The following ZNF470 variants were observed in gnomAD, a reference collection of about 807,000 sequenced individuals.
The protein encoded by ZNF470 is zinc finger protein 470.
A neutral mutation model predicts 13.9 loss-of-function variants in ZNF470; 13 were observed. The observed-to-expected ratio is 0.94, with a 90% CI of 0.61 to 1.49. The LOEUF is 1.49. ZNF470 is among the 40% of genes most tolerant of loss of function. ZNF470 has a pLI of 0.00. For synonymous variants in ZNF470, 293 were observed against 282.9 expected (o/e 1.04, Z -0.36); for missense variants, 929 against 857.3 (o/e 1.08, Z -1.04).
chr19:56,570,241 A>T, intron 2 of ZNF470, 39 bp from the exon 3 acceptor site: 1 of 1,435,832 alleles, frequency 7.0e-7, no homozygotes, highest in Non-Finnish European at 9.8e-7. Flanking sequence ...TTTGATTATT[A>T]GTGCTACTTG....
At chr19:56,572,559 A>C (rs1309872295) in intron 3 of ZNF470, among the ~76,000 whole-genome samples, 2 of 146,612 alleles carry the variant, frequency 1.4e-5, no homozygotes, top group Non-Finnish European at 3.0e-5. Flanking sequence ...AAAAAAAAAA[A>C]AGTAGCAGTC....
In ZNF470 at chr19:56,581,351, G is replaced by A. The variant is rs1216085327; in HGVS notation, c.*2768G>A. 19 of 930,250 alleles carry A rather than the reference G, an allele frequency of 2.0e-5. No homozygotes were observed. Among genetic ancestry groups the A allele is most frequent in the African/African-American group, 3.6e-5 (2 of 56,092 alleles). 57.6% of individuals were successfully genotyped at this position (930,250 alleles called of 1,614,324 possible). A position where few individuals can be genotyped will look rare whatever the true frequency, so the allele number is the denominator to read the frequency against. On this transcript the variant is annotated 3_prime_UTR_variant, in exon 6 of 6. Transcript: ENST00000330619. ...GATAACATTCAGTATTGGTGAATGTGTGGAAACAAGGGAATTCCATTGTTG... is the reference window on the plus strand; with the variant it reads ...GATAACATTCAGTATTGGTGAATGTATGGAAACAAGGGAATTCCATTGTTG...
At position 56,578,111 on chromosome 19, in the gene ZNF470, G is replaced by A; in HGVS notation, c.1682G>A (p.Gly561Asp). Reference sequence around the variant, plus strand: ...GTTCAGCACCAGAGAGTTCATACTGGTGAGAAGCCTTACGAATGTATTGAA... The same window carrying A: ...GTTCAGCACCAGAGAGTTCATACTGATGAGAAGCCTTACGAATGTATTGAA... ...HLVQHQRVHT[G>D]EKPYECIECG... Residue 561 changes from glycine (G) to aspartate (D), a missense_variant, in exon 6 of 6, where the codon GGT becomes GAT. Coordinates refer to ENST00000330619, the MANE Select transcript of ZNF470 (RefSeq NM_001001668.4). 1.2e-6 allele frequency: 2 copies of A among 1,614,092 alleles called. No homozygotes were observed. The highest frequency in any genetic ancestry group is 1.1e-5 in the South Asian group (1 of 91,076).
At position 56,578,108 on chromosome 19, in the gene ZNF470, C is replaced by A; in HGVS notation, c.1679C>A (p.Thr560Asn). The A allele has an allele frequency of 6.2e-7, 1 of 1,614,064 alleles. No individual in the cohort carries two copies. Among genetic ancestry groups the A allele is most frequent in the Non-Finnish European group, 8.5e-7 (1 of 1,180,006 alleles). Residue 560 changes from threonine (T) to asparagine (N), a missense_variant, in exon 6 of 6, where the codon ACT becomes AAT. Thr to Asn is a moderately conservative substitution (Grantham distance 65). Coordinates refer to ENST00000330619, the MANE Select transcript of ZNF470 (RefSeq NM_001001668.4). Reference sequence around the variant, plus strand: ...CTTGTTCAGCACCAGAGAGTTCATACTGGTGAGAAGCCTTACGAATGTATT... The same window carrying A: ...CTTGTTCAGCACCAGAGAGTTCATAATGGTGAGAAGCCTTACGAATGTATT... ...AHLVQHQRVH[T>N]GEKPYECIEC...
chr19:56,582,565 G>T lies in ZNF470; in HGVS notation c.*3982G>T. 3.0e-6 allele frequency: 3 copies of T among 985,332 alleles called. No individual in the cohort carries two copies. Among genetic ancestry groups the T allele is most frequent in the Non-Finnish European group, 3.6e-6 (3 of 829,918 alleles). The allele number at this position is 985,332 out of a possible 1,614,324, so 61.0% of individuals were successfully genotyped here. ...TTCCCACCAGCACCACCAAATGCTG[G>T]CCTCTACCACCACCAAATTTACTTG... On this transcript the variant is annotated 3_prime_UTR_variant, in exon 6 of 6. Transcript: ENST00000330619.
rs147457450 is a variant in ZNF470, at chr19:56,582,717, C to G, written c.*4134C>G. 56 of 289,932 alleles carry G rather than the reference C, an allele frequency of 1.9e-4. 1 individual carries two copies. In the South Asian group the frequency reaches 3.0e-3, roughly 15 times the overall value. The allele number at this position is 289,932 out of a possible 1,614,324, so 18.0% of individuals were successfully genotyped here. A position where few individuals can be genotyped will look rare whatever the true frequency, so the allele number is the denominator to read the frequency against. ...AGTGTCCTTATAAGAGGAAGAGACA[C>G]CAGAGGTTTGTCTCTCCACATGTGC... On this transcript the variant is annotated 3_prime_UTR_variant, in exon 6 of 6. Coordinates refer to ENST00000330619, the MANE Select transcript of ZNF470 (RefSeq NM_001001668.4).
At position 56,574,634 on chromosome 19, in the gene ZNF470, G is replaced by A. The variant is rs1186701788; in HGVS notation, c.188-4G>A. 3 of 1,612,836 alleles carry A rather than the reference G, an allele frequency of 1.9e-6. No homozygotes were observed. Among genetic ancestry groups the A allele is most frequent in the Non-Finnish European group, 8.5e-7 (1 of 1,179,548 alleles). Reference sequence around the variant, plus strand: ...GCAATTTTTATATGTCTTTTTACATGCAGGTCTTTGCATTTCTAAACCAGA... The same window carrying A: ...GCAATTTTTATATGTCTTTTTACATACAGGTCTTTGCATTTCTAAACCAGA... On this transcript the variant is annotated splice_region_variant and splice_polypyrimidine_tract_variant and intron_variant, in intron 4 of 5. Transcript: ENST00000330619.
intron 2 of ZNF470, among the ~76,000 whole-genome samples, chr19:56,569,779 A>C (rs949690996): frequency 1.9e-4 from 29 of 152,042 alleles, no homozygotes. Context: ...CCTGGCCTCA[A>C]GCAATATAGT....
rs1346843550 is a variant in ZNF470 at position 56,577,456 on chromosome 19, A to G, written c.1027A>G (p.Ile343Val). 2.5e-6 allele frequency: 4 copies of G among 1,613,648 alleles called. No homozygotes were observed. The highest frequency in any genetic ancestry group is 1.3e-5 in the African/African-American group (1 of 74,928). The change falls in exon 6 of 6, where the codon ATT becomes GTT. Residue 343 changes from isoleucine to valine, a missense_variant. Coordinates refer to ENST00000330619, the MANE Select transcript of ZNF470 (RefSeq NM_001001668.4). ...CACTGGAGAGAAACCCTATGAATGTATTGAATGTGGGAAGGCTTTTAGTGA... is the reference window on the plus strand; with the variant it reads ...CACTGGAGAGAAACCCTATGAATGTGTTGAATGTGGGAAGGCTTTTAGTGA... ...VHTGEKPYECIECGKAFSDCS... is the reference protein window; with the variant it reads ...VHTGEKPYECVECGKAFSDCS...
chr19:56,571,554 C>G (rs1443534160), intron 3 of ZNF470, among the ~76,000 whole-genome samples: 1 of 151,964 alleles, frequency 6.6e-6, no homozygotes, highest in East Asian at 1.9e-4. Flanking sequence ...ATTTGGTTTA[C>G]AAACTTAGAA....
chr19:56,578,098 A>G lies in ZNF470; in HGVS notation c.1669A>G (p.Arg557Gly). 6.2e-7 allele frequency: 1 copy of G among 1,613,984 alleles called. No individual in the cohort carries two copies. Among genetic ancestry groups the G allele is most frequent in the Non-Finnish European group, 8.5e-7 (1 of 1,179,926 alleles). Reference sequence around the variant, plus strand: ...GATTGCACACCTTGTTCAGCACCAGAGAGTTCATACTGGTGAGAAGCCTTA... The same window carrying G: ...GATTGCACACCTTGTTCAGCACCAGGGAGTTCATACTGGTGAGAAGCCTTA... ...SQIAHLVQHQ[R>G]VHTGEKPYEC... The change falls in exon 6 of 6, where the codon AGA becomes GGA. Residue 557 changes from arginine (R) to glycine (G), a missense_variant. Coordinates refer to ENST00000330619, the MANE Select transcript of ZNF470 (RefSeq NM_001001668.4).
At chr19:56,574,925 C>T (rs2044478977) in intron 5 of ZNF470, among the ~76,000 whole-genome samples, 192 bp downstream of exon 5, 1 of 152,016 alleles carries the variant, frequency 6.6e-6, no homozygotes. Context: ...TTATGCATAC[C>T]AGGGTCTATT....
intron 3 of ZNF470, among the ~76,000 whole-genome samples, chr19:56,573,492 A>G (rs1256958571): frequency 6.6e-6 from 1 of 152,254 alleles, no homozygotes; most frequent in African/African-American, 2.4e-5. Context: ...TGATGTTGAT[A>G]TAAGTGAAGT....
At position 56,572,371 on chromosome 19, in the gene ZNF470, A is replaced by AATATGTATATAT. The variant is rs2044459552; in HGVS notation, c.60+2004_60+2005insGTATATATATAT. On this transcript the variant is annotated intron_variant, in intron 3 of 5. Transcript: ENST00000330619. ...AAAAAAAAAAAAAAAAAAAAAAAAAAATATATATATATATATATAAATTAG... is the reference window on the plus strand; with the variant it reads ...AAAAAAAAAAAAAAAAAAAAAAAAAAATATGTATATATATATATATATATATATATAAATTAG... Among the ~76,000 whole-genome samples, 2 of 17,238 alleles carry AATATGTATATAT rather than the reference A, an allele frequency of 1.2e-4. 1 individual carries two copies. Among genetic ancestry groups the AATATGTATATAT allele is most frequent in the African/African-American group, 1.7e-3 (2 of 1,206 alleles). 11.3% of individuals were successfully genotyped at this position (17,238 alleles called of 152,430 possible).
At chr19:56,569,680 G>C (rs2044436277) in intron 2 of ZNF470, among the ~76,000 whole-genome samples, 1 of 152,180 alleles carries the variant, frequency 6.6e-6, no homozygotes, top group South Asian at 2.1e-4. Context: ...GCTCATGCTT[G>C]TAATCCCAGC....
Position 56,581,205 on chromosome 19 carries a change from G to A in ZNF470, c.*2622G>A. On this transcript the variant is annotated 3_prime_UTR_variant, in exon 6 of 6. Coordinates refer to ENST00000330619, the MANE Select transcript of ZNF470 (RefSeq NM_001001668.4). ...CTGCAACTTAGAAAAATGGACTAAT[G>A]TCCCATTCACAAAAGATGCAATAAA... 1 of 617,452 alleles carries A rather than the reference G, an allele frequency of 1.6e-6. No individual in the cohort carries two copies. The highest frequency in any genetic ancestry group is 2.0e-5 in the African/African-American group (1 of 49,670). The allele number at this position is 617,452 out of a possible 1,614,324, so 38.2% of individuals were successfully genotyped here. A position where few individuals can be genotyped will look rare whatever the true frequency, so the allele number is the denominator to read the frequency against.
chr19:56,573,855 C>T (rs10419789), intron 3 of ZNF470: 207,546 of 552,066 alleles, frequency 0.38, 41,056 homozygotes, highest in African/African-American at 0.63. Context: ...TACAAATATA[C>T]TTTTATTTCA....
In ZNF470 at chr19:56,577,273, A is replaced by G; in HGVS notation, c.844A>G (p.Lys282Glu). Residue 282 changes from lysine (K) to glutamate (E), a missense_variant, in exon 6 of 6, where the codon AAA becomes GAA. By Grantham distance (56) the Lys-to-Glu change is moderately conservative. Coordinates refer to ENST00000330619, the MANE Select transcript of ZNF470 (RefSeq NM_001001668.4). ...AQHQRIHTGE[K>E]PFECTECGKA... ...ACATCAGAGAATACACACAGGAGAA[A>G]AACCTTTTGAATGTACTGAATGTGG... 3.1e-6 allele frequency: 5 copies of G among 1,612,946 alleles called. No homozygotes were observed. The highest frequency in any genetic ancestry group is 4.2e-6 in the Non-Finnish European group (5 of 1,179,406).
intron 3 of ZNF470, among the ~76,000 whole-genome samples, chr19:56,571,809 G>A (rs2049268306): frequency 6.8e-6 from 1 of 147,464 alleles, no homozygotes; most frequent in African/African-American, 2.5e-5. Flanking sequence ...GTAGAGATGG[G>A]GTTTCACCAT....
Sources: allele counts gnomAD v4.1 joint callset (sites outside exome capture counted in the v4.1 genomes callset), GRCh38; gene constraint gnomAD v4.1.1; transcripts MANE v1.5; gene names NCBI Gene and HGNC (gene_info 2026-07-23, HGNC 2026-07-21).